Variants in CEP170 observed in about 807,000 individuals in gnomAD.
The protein encoded by CEP170 is centrosomal protein of 170 kDa.
CEP170 carries 21 observed loss-of-function variants against 151.9 expected under a neutral mutation model. The observed-to-expected ratio is 0.14, with a 90% CI of 0.10 to 0.20. CEP170 has a LOEUF of 0.20. CEP170 is among the 10% of genes least tolerant of loss of function. CEP170 has a pLI of 1.00. For missense variants in CEP170, 964 were observed against 1,892.9 expected, an observed-to-expected ratio of 0.51 and a Z score of 9.11; for synonymous variants, 356 against 648.8, an observed-to-expected ratio of 0.55 and a Z score of 6.86.
At chr1:243,159,529 A>C (rs1374696743) in intron 13 of CEP170, among the ~76,000 whole-genome samples, 1 of 152,226 alleles carries the variant, frequency 6.6e-6, no homozygotes, top group Non-Finnish European at 1.5e-5. Context: ...AACACCAAAT[A>C]AACTTCAAGT....
intron 7 of CEP170, among the ~76,000 whole-genome samples, chr1:243,194,381 T>C (rs2060504647): frequency 6.6e-6 from 1 of 152,112 alleles, no homozygotes; most frequent in Middle Eastern, 3.4e-3. Flanking sequence ...ATATATATAA[T>C]AGTAATACTG....
intron 10 of CEP170, among the ~76,000 whole-genome samples, chr1:243,184,530 A>G (rs991110490): frequency 2.6e-5 from 4 of 152,060 alleles, no homozygotes; most frequent in African/African-American, 7.2e-5. Context: ...TGGGTCTCTA[A>G]AAGTTTGGAG....
chr1:243,193,647 T>C lies in CEP170; in HGVS notation c.632-2153A>G, dbSNP rs548800193. Among the ~76,000 whole-genome samples the C allele has an allele frequency of 1.2e-3, 180 of 152,130 alleles. 1 individual carries two copies. Among genetic ancestry groups the C allele is most frequent in the Non-Finnish European group, 2.0e-3 (134 of 67,956 alleles). ...GCTAGAAACTTGAGACTTATACAAG[T>C]TAATAACTAATTCATCTAGAAATCA... On this transcript the variant is annotated intron_variant, in intron 7 of 19. Transcript: ENST00000366542.
intron 3 of CEP170, among the ~76,000 whole-genome samples, chr1:243,214,280 G>GTTTTTTTTTTTTTTTTTTTTTTTTTTTT (rs758433258): frequency 9.9e-6 from 1 of 100,546 alleles, no homozygotes; most frequent in Non-Finnish European, 1.9e-5. Context: ...AAGCTGTAAA[G>GTTTTTTTTTTTTTTTTTTTTTTTTTTTT]TTTTTTTTTT....
At chr1:243,236,276 A>G (rs1246726785) in intron 1 of CEP170, among the ~76,000 whole-genome samples, 1 of 152,210 alleles carries the variant, frequency 6.6e-6, no homozygotes, top group East Asian at 1.9e-4. Flanking sequence ...TTTCCCACAA[A>G]TCACTATCTC....
chr1:243,163,603 T>C (rs1406784963), intron 13 of CEP170, among the ~76,000 whole-genome samples: 1 of 152,248 alleles, frequency 6.6e-6, no homozygotes, highest in East Asian at 1.9e-4. Context: ...TGTGAGATAA[T>C]GCTCATAACC....
rs771559914 is a variant in CEP170 at position 243,169,577 on chromosome 1, G to A, written c.1843+51C>T. 1.7e-5 allele frequency: 25 copies of A among 1,512,138 alleles called. 1 individual carries two copies. The African/African-American group carries it at 2.8e-4, about 17-fold the overall frequency. The allele number at this position is 1,512,138 out of a possible 1,614,324, so 93.7% of individuals were successfully genotyped here. The stretch of plus-strand genomic sequence containing the variant: ...AAGAGTAAGAGAAAGAGAGAGAAAT[G>A]GAGAAAGAGAAGAAAAAAGGGATAA... On this transcript the variant is annotated intron_variant, in intron 12 of 19. Coordinates refer to ENST00000366542, the MANE Select transcript of CEP170 (RefSeq NM_014812.3).
At chr1:243,139,385 G>A (rs1437528221) in intron 16 of CEP170, among the ~76,000 whole-genome samples, 5 of 152,084 alleles carry the variant, frequency 3.3e-5, no homozygotes, top group Admixed American at 6.5e-5. Flanking sequence ...TGTTGTTCAC[G>A]TCTTTGCAGA....
At chr1:243,149,179 A>G (rs1032197527) in intron 14 of CEP170, among the ~76,000 whole-genome samples, 1 of 152,226 alleles carries the variant, frequency 6.6e-6, no homozygotes, top group Non-Finnish European at 1.5e-5. Flanking sequence ...CTAGTCTCGA[A>G]ACTAGACTGA....
intron 4 of CEP170, among the ~76,000 whole-genome samples, chr1:243,209,447 A>G (rs2061630933): frequency 6.6e-6 from 1 of 152,078 alleles, no homozygotes; most frequent in Admixed American, 6.5e-5. Flanking sequence ...TTGGCCTCCC[A>G]AAGTGCTGGG....
chr1:243,159,006 G>A (rs2057817532), intron 13 of CEP170, among the ~76,000 whole-genome samples: 1 of 152,154 alleles, frequency 6.6e-6, no homozygotes, highest in South Asian at 2.1e-4. Flanking sequence ...GTCGGAGGGT[G>A]CAGTGAGCTG....
At chr1:243,201,769 T>G (rs886772548) in intron 4 of CEP170, among the ~76,000 whole-genome samples, 1 of 152,152 alleles carries the variant, frequency 6.6e-6, no homozygotes, top group Non-Finnish European at 1.5e-5. Flanking sequence ...TTGGGAAATA[T>G]TCTGTTCAAT....
intron 11 of CEP170, among the ~76,000 whole-genome samples, chr1:243,171,807 T>C (rs1458437794): frequency 2.6e-5 from 4 of 152,222 alleles, no homozygotes. Flanking sequence ...ATGCCATTTG[T>C]GTAGATGAGA....
intron 8 of CEP170, among the ~76,000 whole-genome samples, chr1:243,189,221 G>T (rs1430898817): frequency 6.6e-6 from 1 of 152,110 alleles, no homozygotes; most frequent in African/African-American, 2.4e-5. Flanking sequence ...CCACAAATGG[G>T]CTTGTGAGGA....
intron 1 of CEP170, among the ~76,000 whole-genome samples, chr1:243,226,913 C>T (rs934436949): frequency 2.0e-5 from 3 of 152,086 alleles, no homozygotes; most frequent in Non-Finnish European, 2.9e-5. Flanking sequence ...CACTTGAACC[C>T]GGGAGGCAGA....
intron 8 of CEP170, among the ~76,000 whole-genome samples, chr1:243,189,921 C>G (rs2060199663): frequency 6.6e-6 from 1 of 152,098 alleles, no homozygotes; most frequent in Admixed American, 6.6e-5. Context: ...CTGCTGATAA[C>G]TATAATTAAA....
At chr1:243,211,858 A>G (rs1267383821) in intron 4 of CEP170, 28 bp downstream of exon 4, 27 of 1,593,914 alleles carry the variant, frequency 1.7e-5, no homozygotes, top group Non-Finnish European at 2.1e-5. Flanking sequence ...AATAAATTTA[A>G]TAAGTACATA....
intron 7 of CEP170, among the ~76,000 whole-genome samples, chr1:243,192,626 A>G (rs1490284188): frequency 6.6e-6 from 1 of 152,226 alleles, no homozygotes; most frequent in African/African-American, 2.4e-5. Flanking sequence ...ACAAGGCAAT[A>G]CAGGGAGACT....
chr1:243,171,158 G>A (rs560888028), intron 11 of CEP170, among the ~76,000 whole-genome samples: 55 of 152,262 alleles, frequency 3.6e-4, no homozygotes, highest in African/African-American at 1.3e-3. Context: ...CCATTCCTGG[G>A]TTACTCAGAA....
Sources: allele counts gnomAD v4.1 joint callset (sites outside exome capture counted in the v4.1 genomes callset), GRCh38; gene constraint gnomAD v4.1.1; transcripts MANE v1.5; gene names NCBI Gene and HGNC (gene_info 2026-07-23, HGNC 2026-07-21).